The following PCDHB14 variants were observed in gnomAD, a reference collection of about 807,000 sequenced individuals.
The protein encoded by PCDHB14 is protocadherin beta-14.
For synonymous variants in PCDHB14, 511 were observed against 441.5 expected (o/e 1.16, Z -1.97); for missense variants, 1,129 against 1,000.5 (o/e 1.13, Z -1.73).
At position 141,225,518 on chromosome 5, in the gene PCDHB14, G is replaced by A. The variant is rs782604723; in HGVS notation, c.2013G>A (p.Leu671=). The A allele has an allele frequency of 6.2e-7, 1 of 1,608,984 alleles. No homozygotes were observed. Among genetic ancestry groups the A allele is most frequent in the East Asian group, 2.2e-5 (1 of 44,862 alleles). The change falls in exon 1 of 1, where the codon CTG becomes CTA. Residue 671 remains leucine, a synonymous_variant. Transcript: ENST00000239449. ...LLVDGFSQPY[L]PLPEAAPAQA... is the part of the protein sequence containing the mutation. Reference sequence around the variant, plus strand: ...TGGACGGCTTCTCCCAGCCCTACCTGCCGCTCCCTGAGGCGGCCCCGGCCC... The same window carrying A: ...TGGACGGCTTCTCCCAGCCCTACCTACCGCTCCCTGAGGCGGCCCCGGCCC...
Position 141,225,760 on chromosome 5 carries a change from A to G in PCDHB14, c.2255A>G (p.Glu752Gly). 6.2e-7 allele frequency: 1 copy of G among 1,614,084 alleles called. No individual in the cohort carries two copies. Among genetic ancestry groups the G allele is most frequent in the Non-Finnish European group, 8.5e-7 (1 of 1,180,012 alleles). Residue 752 changes from glutamate to glycine, a missense_variant, in exon 1 of 1, where the codon GAG (glutamate) becomes GGG (glycine). Coordinates refer to ENST00000239449, the MANE Select transcript of PCDHB14 (RefSeq NM_018934.4). ...ACCCTGTCCCAGAGCTACCAATACG[A>G]GGTGTGTCTGACAGGAGGTTCCGGG... The part of the protein sequence containing the change: ...TGTLSQSYQY[E>G]VCLTGGSGTN...
rs1754797599 is a variant in PCDHB14, at chr5:141,224,650, T to C, written c.1145T>C (p.Ile382Thr). The C allele has an allele frequency of 1.2e-6, 2 of 1,614,036 alleles. No individual in the cohort carries two copies. The highest frequency in any genetic ancestry group is 1.3e-5 in the African/African-American group (1 of 74,918). The change falls in exon 1 of 1, where the codon ATT (isoleucine) becomes ACT (threonine). Residue 382 changes from isoleucine (I) to threonine (T), a missense_variant. Coordinates refer to ENST00000239449, the MANE Select transcript of PCDHB14 (RefSeq NM_018934.4). ...DQDSGDNGRM[I>T]CSIQDNLPFF... is the part of the protein sequence containing the mutation. ...GACTCTGGAGACAATGGGAGGATGA[T>C]TTGCTCTATTCAAGATAACCTCCCT...
In PCDHB14 at chr5:141,224,874, A is replaced by G. The variant is rs1588397576; in HGVS notation, c.1369A>G (p.Thr457Ala). The G allele has an allele frequency of 1.2e-6, 2 of 1,613,034 alleles. No homozygotes were observed. Among genetic ancestry groups the G allele is most frequent in the Non-Finnish European group, 1.7e-6 (2 of 1,179,948 alleles). The change falls in exon 1 of 1, where the codon ACC becomes GCC. Residue 457 changes from threonine to alanine, a missense_variant. By Grantham distance (58) the Thr-to-Ala change is moderately conservative. Coordinates refer to ENST00000239449, the MANE Select transcript of PCDHB14 (RefSeq NM_018934.4). ...CCCCACCTTCACCCAAACCTCCTAC[A>G]CCCTGTTCGTCCGCGAGAACAACAG... ...NAPTFTQTSYTLFVRENNSPA... is the reference protein window; with the variant it reads ...NAPTFTQTSYALFVRENNSPA...
Position 141,225,040 on chromosome 5 carries a change from A to G in PCDHB14, c.1535A>G (p.His512Arg), listed in dbSNP as rs1382458060. Residue 512 changes from histidine (H) to arginine (R), a missense_variant, in exon 1 of 1, where the codon CAC (histidine) becomes CGC (arginine). Physicochemically the swap from His to Arg is conservative, Grantham distance 29 (BLOSUM62 0). Coordinates refer to ENST00000239449, the MANE Select transcript of PCDHB14 (RefSeq NM_018934.4). The stretch of plus-strand genomic sequence containing the variant: ...GTCTCCATCAACGCGGACAATGGCC[A>G]CCTGTTTGCCCTCAGGTCGCTGGAC... ...SLVSINADNG[H>R]LFALRSLDYE... 2 of 1,612,298 alleles carry G rather than the reference A, an allele frequency of 1.2e-6. No homozygotes were observed. Among genetic ancestry groups the G allele is most frequent in the Non-Finnish European group, 8.5e-7 (1 of 1,179,960 alleles).
chr5:141,226,084 T>G lies in PCDHB14; in HGVS notation c.*182T>G, dbSNP rs559656051. ...TATAATGACGTGGAAATGTAATCTG[T>G]GTTTTCTGGTTTTTCATTTATTTGG... On this transcript the variant is annotated 3_prime_UTR_variant, in exon 1 of 1. Coordinates refer to ENST00000239449, the MANE Select transcript of PCDHB14 (RefSeq NM_018934.4). 1 of 643,240 alleles carries G rather than the reference T, an allele frequency of 1.6e-6. No individual in the cohort carries two copies. The highest frequency in any genetic ancestry group is 1.8e-5 in the African/African-American group (1 of 54,274). 39.8% of individuals were successfully genotyped at this position (643,240 alleles called of 1,614,324 possible).
At position 141,224,258 on chromosome 5, in the gene PCDHB14, C is replaced by A; in HGVS notation, c.753C>A (p.Val251=). 6.2e-7 allele frequency: 1 copy of A among 1,613,728 alleles called. No homozygotes were observed. Among genetic ancestry groups the A allele is most frequent in the Middle Eastern group, 1.7e-4 (1 of 6,056 alleles). Residue 251 remains valine (V), a synonymous_variant, in exon 1 of 1, where the codon GTC becomes GTA. Coordinates refer to ENST00000239449, the MANE Select transcript of PCDHB14 (RefSeq NM_018934.4). ...CTCAGAGTCTCTATGAGGTGCAAGT[C>A]CCCGAGGACAGACCCCTTGGCTCCT... ...EFPQSLYEVQ[V]PEDRPLGSWI... is the part of the protein sequence containing the mutation.
rs141667864 is a variant in PCDHB14, at chr5:141,226,984, C to G, written c.*1082C>G. 152 of 152,324 alleles carry G rather than the reference C, an allele frequency of 1.0e-3. No homozygotes were observed. Among genetic ancestry groups the G allele is most frequent in the African/African-American group, 3.4e-3 (143 of 41,556 alleles). The allele number at this position is 152,324 out of a possible 1,614,324, so 9.4% of individuals were successfully genotyped here. Reference sequence around the variant, plus strand: ...TAGCTCAAACTACAGGCACCCGCCACGATGCCTAGCTAAATTTTTGTATAT... The same window carrying G: ...TAGCTCAAACTACAGGCACCCGCCAGGATGCCTAGCTAAATTTTTGTATAT... On this transcript the variant is annotated 3_prime_UTR_variant, in exon 1 of 1. Coordinates refer to ENST00000239449, the MANE Select transcript of PCDHB14 (RefSeq NM_018934.4).
chr5:141,225,032 C>A lies in PCDHB14; in HGVS notation c.1527C>A (p.Asp509Glu), dbSNP rs370562503. 5 of 1,612,522 alleles carry A rather than the reference C, an allele frequency of 3.1e-6. No homozygotes were observed. Among genetic ancestry groups the A allele is most frequent in the Non-Finnish European group, 4.2e-6 (5 of 1,180,032 alleles). Residue 509 changes from aspartate (D) to glutamate (E), a missense_variant, in exon 1 of 1, where the codon GAC becomes GAA. Coordinates refer to ENST00000239449, the MANE Select transcript of PCDHB14 (RefSeq NM_018934.4). The stretch of plus-strand genomic sequence containing the variant: ...CCTCCTTGGTCTCCATCAACGCGGA[C>A]AATGGCCACCTGTTTGCCCTCAGGT... ...PLASLVSINA[D>E]NGHLFALRSL...
rs1211170619 is a variant in PCDHB14 at position 141,227,482 on chromosome 5, G to A, written c.*1580G>A. On this transcript the variant is annotated 3_prime_UTR_variant, in exon 1 of 1. Transcript: ENST00000239449. ...AGTTCTATAGAAGATTATAGATAGA[G>A]ATTTTGATAACTGGAATGTAGTATG... The A allele has an allele frequency of 3.9e-5, 6 of 152,178 alleles. No homozygotes were observed. Among genetic ancestry groups the A allele is most frequent in the African/African-American group, 1.2e-4 (5 of 41,450 alleles). 9.4% of individuals were successfully genotyped at this position (152,178 alleles called of 1,614,324 possible).
In PCDHB14 at chr5:141,224,423, C is replaced by G. The variant is rs782137998; in HGVS notation, c.918C>G (p.Pro306=). 1 of 1,607,262 alleles carries G rather than the reference C, an allele frequency of 6.2e-7. No homozygotes were observed. Among genetic ancestry groups the G allele is most frequent in the Non-Finnish European group, 8.5e-7 (1 of 1,177,348 alleles). ...CTGGGGAAGTTAATTTGAGATCACCCCTGGATTTTGAAGTAATACAGTCCT... is the reference window on the plus strand; with the variant it reads ...CTGGGGAAGTTAATTTGAGATCACCGCTGGATTTTGAAGTAATACAGTCCT... ...PISGEVNLRS[P]LDFEVIQSYT... Residue 306 remains proline (P), a synonymous_variant, in exon 1 of 1, where the codon CCC becomes CCG. Coordinates refer to ENST00000239449, the MANE Select transcript of PCDHB14 (RefSeq NM_018934.4).
At position 141,225,042 on chromosome 5, in the gene PCDHB14, C is replaced by A. The variant is rs1554289320; in HGVS notation, c.1537C>A (p.Leu513Met). 13 of 1,612,592 alleles carry A rather than the reference C, an allele frequency of 8.1e-6. No homozygotes were observed. Among genetic ancestry groups the A allele is most frequent in the South Asian group, 1.1e-5 (1 of 91,014 alleles). ...LVSINADNGH[L>M]FALRSLDYEA... ...CTCCATCAACGCGGACAATGGCCAC[C>A]TGTTTGCCCTCAGGTCGCTGGACTA... Residue 513 changes from leucine (L) to methionine (M), a missense_variant, in exon 1 of 1, where the codon CTG becomes ATG. Coordinates refer to ENST00000239449, the MANE Select transcript of PCDHB14 (RefSeq NM_018934.4).
In PCDHB14 at chr5:141,223,841, C is replaced by A; in HGVS notation, c.336C>A (p.Asn112Lys). ...CVLHFQVVLE[N>K]PLQFFRFELC... ...TGCATTTTCAGGTGGTTTTGGAAAACCCTTTACAGTTTTTTCGGTTTGAGC... is the reference window on the plus strand; with the variant it reads ...TGCATTTTCAGGTGGTTTTGGAAAAACCTTTACAGTTTTTTCGGTTTGAGC... The change falls in exon 1 of 1, where the codon AAC (asparagine) becomes AAA (lysine). Residue 112 changes from asparagine (N) to lysine (K), a missense_variant. Coordinates refer to ENST00000239449, the MANE Select transcript of PCDHB14 (RefSeq NM_018934.4). 16 of 1,613,228 alleles carry A rather than the reference C, an allele frequency of 9.9e-6. No homozygotes were observed. Among genetic ancestry groups the A allele is most frequent in the Non-Finnish European group, 1.4e-5 (16 of 1,179,788 alleles).
In PCDHB14 at chr5:141,223,925, T is replaced by C; in HGVS notation, c.420T>C (p.Ile140=). 1.9e-6 allele frequency: 3 copies of C among 1,614,000 alleles called. No homozygotes were observed. The highest frequency in any genetic ancestry group is 1.7e-4 in the Middle Eastern group (1 of 6,058). The change falls in exon 1 of 1, where the codon ATT becomes ATC. Residue 140 remains isoleucine, a synonymous_variant. Coordinates refer to ENST00000239449, the MANE Select transcript of PCDHB14 (RefSeq NM_018934.4). ...CATTTCTAGACAAGGAAATACTTAT[T>C]AAAATATCAGAAGGTACCACTGTTG... ...SPTFLDKEIL[I]KISEGTTVGA...
rs782486039 is a variant in PCDHB14, at chr5:141,224,088, G to C, written c.583G>C (p.Val195Leu). The part of the protein sequence containing the change: ...SSDRKIYPEL[V>L]LDRALDYEQE... ...TGACAGAAAGATATACCCAGAGCTG[G>C]TCCTAGATAGAGCTTTAGATTATGA... The change falls in exon 1 of 1, where the codon GTC becomes CTC. Residue 195 changes from valine (V) to leucine (L), a missense_variant. By Grantham distance (32) the Val-to-Leu change is conservative (BLOSUM62 1). Coordinates refer to ENST00000239449, the MANE Select transcript of PCDHB14 (RefSeq NM_018934.4). 2 of 1,613,980 alleles carry C rather than the reference G, an allele frequency of 1.2e-6. No individual in the cohort carries two copies. The highest frequency in any genetic ancestry group is 1.7e-6 in the Non-Finnish European group (2 of 1,180,026).
At position 141,223,611 on chromosome 5, in the gene PCDHB14, G is replaced by A; in HGVS notation, c.106G>A (p.Ala36Thr). 1 of 1,614,122 alleles carries A rather than the reference G, an allele frequency of 6.2e-7. No individual in the cohort carries two copies. Among genetic ancestry groups the A allele is most frequent in the Non-Finnish European group, 8.5e-7 (1 of 1,179,976 alleles). Reference sequence around the variant, plus strand: ...TACTGAATCTGCACACTATTCTGTGGCAGAGGAAACAGAAATTGGCTCTTT... The same window carrying A: ...TACTGAATCTGCACACTATTCTGTGACAGAGGAAACAGAAATTGGCTCTTT... ...AGTESAHYSV[A>T]EETEIGSFVA... Residue 36 changes from alanine (A) to threonine (T), a missense_variant, in exon 1 of 1, where the codon GCA becomes ACA. Physicochemically the swap from Ala to Thr is moderately conservative, Grantham distance 58. Coordinates refer to ENST00000239449, the MANE Select transcript of PCDHB14 (RefSeq NM_018934.4).
At position 141,227,479 on chromosome 5, in the gene PCDHB14, A is replaced by G. The variant is rs545822653; in HGVS notation, c.*1577A>G. ...GAAAGTTCTATAGAAGATTATAGAT[A>G]GAGATTTTGATAACTGGAATGTAGT... On this transcript the variant is annotated 3_prime_UTR_variant, in exon 1 of 1. Coordinates refer to ENST00000239449, the MANE Select transcript of PCDHB14 (RefSeq NM_018934.4). 3.9e-5 allele frequency: 6 copies of G among 152,322 alleles called. No individual in the cohort carries two copies. Among genetic ancestry groups the G allele is most frequent in the South Asian group, 2.1e-4 (1 of 4,824 alleles). The allele number at this position is 152,322 out of a possible 1,614,324, so 9.4% of individuals were successfully genotyped here. A position where few individuals can be genotyped will look rare whatever the true frequency, so the allele number is the denominator to read the frequency against.
chr5:141,224,139 C>T lies in PCDHB14; in HGVS notation c.634C>T (p.Leu212Phe). Residue 212 changes from leucine to phenylalanine, a missense_variant, in exon 1 of 1, where the codon CTC becomes TTC. Physicochemically the swap from Leu to Phe is conservative, Grantham distance 22. Coordinates refer to ENST00000239449, the MANE Select transcript of PCDHB14 (RefSeq NM_018934.4). The stretch of plus-strand genomic sequence containing the variant: ...ACAGGAAGCTGAACTCAGATTAACA[C>T]TCACAGCAGTGGATGGTGGATCCCC... ...YEQEAELRLTLTAVDGGSPPK... is the reference protein window; with the variant it reads ...YEQEAELRLTFTAVDGGSPPK... 1 of 1,614,132 alleles carries T rather than the reference C, an allele frequency of 6.2e-7. No individual in the cohort carries two copies. Among genetic ancestry groups the T allele is most frequent in the Non-Finnish European group, 8.5e-7 (1 of 1,180,044 alleles).
chr5:141,226,724 G>C lies in PCDHB14; in HGVS notation c.*822G>C, dbSNP rs1204933534. 1 of 152,194 alleles carries C rather than the reference G, an allele frequency of 6.6e-6. No homozygotes were observed. The highest frequency in any genetic ancestry group is 6.5e-5 in the Admixed American group (1 of 15,284). The allele number at this position is 152,194 out of a possible 1,614,324, so 9.4% of individuals were successfully genotyped here. ...CTGGATCACCAGCACAGGCCACTAC[G>C]GCCTGGCTAATTCTTTTGTATTTTT... On this transcript the variant is annotated 3_prime_UTR_variant, in exon 1 of 1. Coordinates refer to ENST00000239449, the MANE Select transcript of PCDHB14 (RefSeq NM_018934.4).
At position 141,224,310 on chromosome 5, in the gene PCDHB14, C is replaced by A; in HGVS notation, c.805C>A (p.Leu269Met). Residue 269 changes from leucine to methionine, a missense_variant, in exon 1 of 1, where the codon CTG becomes ATG. Physicochemically the swap from Leu to Met is conservative, Grantham distance 15 (BLOSUM62 2). Transcript: ENST00000239449. ...SWIATISAKDLDAGNYGKISY... is the reference protein window; with the variant it reads ...SWIATISAKDMDAGNYGKISY... ...GATTGCCACCATCTCAGCTAAGGAT[C>A]TGGATGCAGGAAACTATGGAAAAAT... 1.2e-6 allele frequency: 2 copies of A among 1,614,054 alleles called. No homozygotes were observed. The highest frequency in any genetic ancestry group is 1.7e-6 in the Non-Finnish European group (2 of 1,179,982).
Sources: allele counts gnomAD v4.1 joint callset, GRCh38; gene constraint gnomAD v4.1.1; transcripts MANE v1.5; gene names NCBI Gene and HGNC (gene_info 2026-07-23, HGNC 2026-07-21).